SLC10A7: variants seen among roughly 807,000 people sequenced by gnomAD.
SLC10A7 encodes solute carrier family 10 member 7.
Under a neutral mutation model 43.2 loss-of-function variants are expected in SLC10A7, and 29 were observed. The observed-to-expected ratio is 0.67, with a 90% CI of 0.50 to 0.92. The LOEUF is 0.92. SLC10A7 is among the 40% of genes least tolerant of loss of function. The probability of loss-of-function intolerance (pLI) is 0.00; values close to 1 mark genes in which losing one functional copy is unlikely to be tolerated. For synonymous variants in SLC10A7, 152 were observed against 144.8 expected (o/e 1.05, Z -0.35); for missense variants, 295 against 403.2 (o/e 0.73, Z 2.30).
At chr4:146,466,477 AT>A (rs540800942) in intron 4 of SLC10A7, among the ~76,000 whole-genome samples, 103 of 152,220 alleles carry the variant, frequency 6.8e-4, no homozygotes, top group Non-Finnish European at 1.1e-3. Context: ...ACTGAATTTC[AT>A]TTTTTCCCCC....
intron 5 of SLC10A7, among the ~76,000 whole-genome samples, chr4:146,435,811 T>G (rs997067869): frequency 6.6e-6 from 1 of 152,150 alleles, no homozygotes; most frequent in Non-Finnish European, 1.5e-5. Flanking sequence ...AGGATCATCT[T>G]TCTTAGGAGG....
chr4:146,363,777 A>C (rs1477583691), intron 5 of SLC10A7, among the ~76,000 whole-genome samples: 1 of 152,154 alleles, frequency 6.6e-6, no homozygotes, highest in Non-Finnish European at 1.5e-5. Context: ...GAAATTAAGA[A>C]GGAAACTGAA....
chr4:146,353,378 A>C (rs1292975644), intron 5 of SLC10A7, among the ~76,000 whole-genome samples: 8 of 138,050 alleles, frequency 5.8e-5, no homozygotes, highest in Middle Eastern at 7.0e-3. Context: ...CAGGCTCTGA[A>C]ATTGTGGCAA....
intron 5 of SLC10A7, among the ~76,000 whole-genome samples, chr4:146,404,346 A>T (rs1210969553): frequency 6.6e-6 from 1 of 151,992 alleles, no homozygotes. Context: ...ATGTCTTTCC[A>T]TTCTTGCCAA....
chr4:146,449,499 A>G (rs1037194734), intron 4 of SLC10A7, among the ~76,000 whole-genome samples: 1 of 152,154 alleles, frequency 6.6e-6, no homozygotes, highest in Admixed American at 6.6e-5. Flanking sequence ...TAACCTGTCC[A>G]GCAAAAAGAG....
At position 146,415,269 on chromosome 4, in the gene SLC10A7, T is replaced by C. The variant is rs368245498; in HGVS notation, c.435+27514A>G. 3.9e-5 allele frequency among the ~76,000 whole-genome samples: 6 copies of C among 152,178 alleles called. No individual in the cohort carries two copies. In the East Asian group the frequency reaches 1.2e-3, roughly 29 times the overall value. On this transcript the variant is annotated intron_variant, in intron 5 of 11. Transcript: ENST00000335472. ...TAATGGAAAGTAGATTGTCAAGAAA[T>C]AGTGGGAACTGGATTCTGGCTGTGG...
At chr4:146,265,857 C>T (rs997720610) in intron 10 of SLC10A7, among the ~76,000 whole-genome samples, 7 of 152,020 alleles carry the variant, frequency 4.6e-5, no homozygotes, top group African/African-American at 1.2e-4. Context: ...ACTGGACTGA[C>T]GAAGGAATAC....
chr4:146,446,618 CCT>C (rs1036706351), intron 4 of SLC10A7, among the ~76,000 whole-genome samples: 2 of 151,774 alleles, frequency 1.3e-5, no homozygotes, highest in African/African-American at 4.8e-5. Context: ...TACTTACATG[CCT>C]CTCTCCGCTG....
chr4:146,503,140 C>A (rs549407956), intron 4 of SLC10A7, among the ~76,000 whole-genome samples: 1 of 152,126 alleles, frequency 6.6e-6, no homozygotes, highest in Non-Finnish European at 1.5e-5. Context: ...AAAGCAGAAT[C>A]CTAAGAATGA....
At chr4:146,410,593 A>T (rs891458688) in intron 5 of SLC10A7, among the ~76,000 whole-genome samples, 1 of 152,148 alleles carries the variant, frequency 6.6e-6, no homozygotes, top group Non-Finnish European at 1.5e-5. Context: ...AAGGCTAATA[A>T]GTTGTCCAAA....
chr4:146,276,776 C>T (rs1371113204), intron 10 of SLC10A7, among the ~76,000 whole-genome samples: 1 of 152,008 alleles, frequency 6.6e-6, no homozygotes, highest in South Asian at 2.1e-4. Context: ...ATAACGAAGC[C>T]CCCGTCTCTA....
At chr4:146,272,525 T>C (rs1056080562) in intron 10 of SLC10A7, among the ~76,000 whole-genome samples, 1 of 152,164 alleles carries the variant, frequency 6.6e-6, no homozygotes, top group Non-Finnish European at 1.5e-5. Context: ...TATTCTTTAC[T>C]GCAAAGAAGC....
chr4:146,382,785 T>C (rs1279310282), intron 5 of SLC10A7, among the ~76,000 whole-genome samples: 4 of 152,152 alleles, frequency 2.6e-5, no homozygotes, highest in African/African-American at 9.7e-5. Context: ...TATAAAATTG[T>C]CACCTTGTGT....
chr4:146,516,574 T>C (rs956282274), intron 2 of SLC10A7, among the ~76,000 whole-genome samples: 1 of 151,612 alleles, frequency 6.6e-6, no homozygotes, highest in African/African-American at 2.4e-5. Flanking sequence ...TTAATAGATA[T>C]GCTAAGGAAC....
chr4:146,456,730 A>G (rs540932827), intron 4 of SLC10A7, among the ~76,000 whole-genome samples: 7 of 152,052 alleles, frequency 4.6e-5, no homozygotes, highest in African/African-American at 1.7e-4. Flanking sequence ...TGTAGGCATA[A>G]TTGATTAAAT....
chr4:146,518,206 T>C (rs536925221), intron 1 of SLC10A7, among the ~76,000 whole-genome samples: 1 of 152,300 alleles, frequency 6.6e-6, no homozygotes, highest in East Asian at 1.9e-4. Flanking sequence ...CAACATTCTT[T>C]CAAAAAATGC....
intron 5 of SLC10A7, among the ~76,000 whole-genome samples, chr4:146,326,385 G>A (rs1733104658): frequency 6.6e-6 from 1 of 152,200 alleles, no homozygotes; most frequent in South Asian, 2.1e-4. Context: ...TTTAGTCCCA[G>A]TTGGGGTCCT....
chr4:146,326,973 A>AAG (rs33979046), intron 5 of SLC10A7, among the ~76,000 whole-genome samples: 28 of 149,340 alleles, frequency 1.9e-4, no homozygotes, highest in Middle Eastern at 3.4e-3. Context: ...CACACAGAAA[A>AAG]AGAGAGAGAG....
Position 146,297,298 on chromosome 4 carries a change from C to G in SLC10A7, c.556-3203G>C, listed in dbSNP as rs1037308805. Reference sequence around the variant, plus strand: ...CTTCAAAACTTTGATTTTCTTTATTCTAAATTAAATAGCAGGAAAGGGTAA... The same window carrying G: ...CTTCAAAACTTTGATTTTCTTTATTGTAAATTAAATAGCAGGAAAGGGTAA... On this transcript the variant is annotated intron_variant, in intron 7 of 11. Transcript: ENST00000335472. 2.0e-5 allele frequency among the ~76,000 whole-genome samples: 3 copies of G among 152,064 alleles called. No homozygotes were observed. The East Asian group carries it at 5.8e-4, about 29-fold the overall frequency.
Sources: allele counts gnomAD v4.1 joint callset (sites outside exome capture counted in the v4.1 genomes callset), GRCh38; gene constraint gnomAD v4.1.1; transcripts MANE v1.5; gene names NCBI Gene and HGNC (gene_info 2026-07-23, HGNC 2026-07-21).